ZNF566: variants seen among roughly 807,000 people sequenced by gnomAD.
The protein encoded by ZNF566 is zinc finger protein 566.
A neutral mutation model predicts 32.8 loss-of-function variants in ZNF566; 27 were observed. The ratio of observed to expected loss-of-function variants is 0.82; its 90% CI spans 0.61 to 1.14. The LOEUF is 1.14. ZNF566 is among the 50% of genes most tolerant of loss of function. The pLI, the probability that ZNF566 is intolerant of heterozygous loss-of-function variation, is 0.00. For synonymous variants in ZNF566, 154 were observed against 159.5 expected (o/e 0.97, Z 0.26); for missense variants, 402 against 490.4 (o/e 0.82, Z 1.70).
intron 1 of ZNF566, among the ~76,000 whole-genome samples, chr19:36,477,350 T>C (rs1403587627): frequency 6.6e-6 from 1 of 151,974 alleles, no homozygotes; most frequent in East Asian, 1.9e-4. Flanking sequence ...CAATCATCAT[T>C]TAGGCTTTTT....
intron 1 of ZNF566, among the ~76,000 whole-genome samples, chr19:36,486,217 G>A (rs1224837497): frequency 1.3e-5 from 2 of 152,194 alleles, no homozygotes; most frequent in South Asian, 2.1e-4. Context: ...GCAGGACCTT[G>A]GATTGGATCC....
chr19:36,480,051 T>C (rs1184072362), intron 1 of ZNF566, among the ~76,000 whole-genome samples: 18 of 151,874 alleles, frequency 1.2e-4, no homozygotes, highest in Admixed American at 1.2e-3. Context: ...TTGGGGGGAA[T>C]AAGGTAAAAA....
chr19:36,469,336 G>A (rs1020120797), intron 4 of ZNF566, among the ~76,000 whole-genome samples: 3 of 151,784 alleles, frequency 2.0e-5, no homozygotes, highest in Non-Finnish European at 4.4e-5. Flanking sequence ...TCAGGAGTTC[G>A]AGACCAGCCT....
intron 1 of ZNF566, among the ~76,000 whole-genome samples, chr19:36,484,721 C>T (rs955131164): frequency 6.6e-6 from 1 of 151,206 alleles, no homozygotes; most frequent in African/African-American, 2.4e-5. Flanking sequence ...TCCCGAATAG[C>T]TGGGACTACA....
chr19:36,452,859 C>T (rs1307589818), intron 4 of ZNF566, among the ~76,000 whole-genome samples: 1 of 152,108 alleles, frequency 6.6e-6, no homozygotes, highest in Non-Finnish European at 1.5e-5. Context: ...GTGGCTCACA[C>T]CTGTAATCCT....
chr19:36,472,559 G>A (rs1469683201), intron 4 of ZNF566, among the ~76,000 whole-genome samples: 1 of 152,146 alleles, frequency 6.6e-6, no homozygotes, highest in Non-Finnish European at 1.5e-5. Flanking sequence ...CTTTGGCAGT[G>A]TAGGAAAAAA....
intron 4 of ZNF566, among the ~76,000 whole-genome samples, chr19:36,457,682 A>T (rs1222352753): frequency 6.6e-6 from 1 of 152,184 alleles, no homozygotes; most frequent in African/African-American, 2.4e-5. Flanking sequence ...ACTTGAGGTC[A>T]GGAGTTCGAC....
Position 36,449,035 on chromosome 19 carries a change from C to T in ZNF566, c.1199G>A (p.Cys400Tyr). The T allele has an allele frequency of 6.2e-7, 1 of 1,607,298 alleles. No homozygotes were observed. The highest frequency in any genetic ancestry group is 1.3e-5 in the African/African-American group (1 of 74,694). ...TSEKPYEYRE[C>Y]GKNFNYDPQL... ...TGGGTCATAATTAAAGTTCTTTCCACATTCCCTATATTCATAGGGTTTCTC... is the reference window on the plus strand; with the variant it reads ...TGGGTCATAATTAAAGTTCTTTCCATATTCCCTATATTCATAGGGTTTCTC... Residue 400 changes from cysteine (C) to tyrosine (Y), a missense_variant, in exon 5 of 5, where the codon TGT (cysteine) becomes TAT (tyrosine). Coordinates refer to ENST00000452939, the MANE Select transcript of ZNF566 (RefSeq NM_001145344.1).
intron 4 of ZNF566, among the ~76,000 whole-genome samples, chr19:36,462,188 A>T (rs55921528): frequency 3.9e-5 from 6 of 152,000 alleles, no homozygotes; most frequent in Non-Finnish European, 7.4e-5. Context: ...GGGTTTCTCC[A>T]TGTTGGTCAG....
intron 1 of ZNF566, among the ~76,000 whole-genome samples, chr19:36,481,473 G>GAAAAAAAA (rs79028574): frequency 9.0e-6 from 1 of 110,860 alleles, no homozygotes; most frequent in Non-Finnish European, 1.8e-5. Flanking sequence ...ACTGTCTCGG[G>GAAAAAAAA]AAAAAAAAAA....
At chr19:36,462,360 C>T (rs1052377951) in intron 4 of ZNF566, among the ~76,000 whole-genome samples, 1 of 152,002 alleles carries the variant, frequency 6.6e-6, no homozygotes, top group African/African-American at 2.4e-5. Flanking sequence ...CTTCTTAATA[C>T]TTTCTAGTTC....
intron 4 of ZNF566, among the ~76,000 whole-genome samples, chr19:36,452,441 G>C (rs1358149551): frequency 6.6e-6 from 1 of 151,326 alleles, no homozygotes; most frequent in East Asian, 1.9e-4. Flanking sequence ...AATGAATATT[G>C]TTTTTATCAT....
In ZNF566 at chr19:36,449,445, G is replaced by A. The variant is rs140598713; in HGVS notation, c.789C>T (p.Ala263=). 1.5e-5 allele frequency: 25 copies of A among 1,613,332 alleles called. No homozygotes were observed. In the African/African-American group the frequency reaches 2.5e-4, roughly 16 times the overall value. Residue 263 remains alanine, a synonymous_variant, in exon 5 of 5, where the codon GCC becomes GCT. Coordinates refer to ENST00000452939, the MANE Select transcript of ZNF566 (RefSeq NM_001145344.1). ...KPYECKECGK[A]FSSGSNFTRH... ...GAGTGAAGTTTGAACCACTACTAAAGGCTTTCCCACATTCCTTACATTCAT... is the reference window on the plus strand; with the variant it reads ...GAGTGAAGTTTGAACCACTACTAAAAGCTTTCCCACATTCCTTACATTCAT...
intron 1 of ZNF566, among the ~76,000 whole-genome samples, chr19:36,482,793 G>A (rs1191039934): frequency 6.6e-6 from 1 of 152,160 alleles, no homozygotes; most frequent in South Asian, 2.1e-4. Context: ...AATTCTCCAT[G>A]GGTCTTGCAT....
At chr19:36,476,281 A>G in intron 2 of ZNF566, 1 of 321,250 alleles carries the variant, frequency 3.1e-6, no homozygotes, top group Non-Finnish European at 5.8e-6. Context: ...ACTCCAGCCT[A>G]GAAGACAGAG....
intron 4 of ZNF566, among the ~76,000 whole-genome samples, chr19:36,455,538 T>A (rs574990601): frequency 6.6e-6 from 1 of 151,640 alleles, no homozygotes; most frequent in African/African-American, 2.4e-5. Context: ...GGTCAGGAGT[T>A]TGAGACCAGC....
intron 1 of ZNF566, among the ~76,000 whole-genome samples, chr19:36,481,185 T>G (rs183804509): frequency 4.0e-5 from 6 of 151,844 alleles, no homozygotes; most frequent in East Asian, 3.9e-4. Flanking sequence ...AAAACAACAA[T>G]GAGGGCTGGG....
chr19:36,471,459 C>T (rs1208593161), intron 4 of ZNF566, among the ~76,000 whole-genome samples: 1 of 152,104 alleles, frequency 6.6e-6, no homozygotes, highest in East Asian at 1.9e-4. Context: ...CGCACAGCTG[C>T]CTCAGGCCCT....
intron 1 of ZNF566, among the ~76,000 whole-genome samples, chr19:36,483,135 C>A (rs562795335): frequency 6.6e-6 from 1 of 152,242 alleles, no homozygotes; most frequent in South Asian, 2.1e-4. Context: ...AACTGACAAG[C>A]CAACTTACTA....
Sources: allele counts gnomAD v4.1 joint callset (sites outside exome capture counted in the v4.1 genomes callset), GRCh38; gene constraint gnomAD v4.1.1; transcripts MANE v1.5; gene names NCBI Gene and HGNC (gene_info 2026-07-23, HGNC 2026-07-21).